The following ARHGAP26 variants were observed in gnomAD, a reference collection of about 807,000 sequenced individuals.
ARHGAP26 encodes rho GTPase-activating protein 26.
A neutral mutation model predicts 104.8 loss-of-function variants in ARHGAP26; 38 were observed. That is an observed-to-expected ratio of 0.36 (90% confidence interval 0.28 to 0.48). The LOEUF (loss-of-function observed/expected upper bound fraction) is 0.48. Among genes scored for constraint, ARHGAP26 ranks in the 20% least tolerant of loss-of-function variants. The probability of loss-of-function intolerance (pLI) is 0.99; values close to 1 mark genes in which losing one functional copy is unlikely to be tolerated. For synonymous variants in ARHGAP26, 341 were observed against 340.0 expected (o/e 1.00, Z -0.03); for missense variants, 704 against 947.9 (o/e 0.74, Z 3.38).
chr5:143,023,021 G>A (rs1780556694), intron 12 of ARHGAP26, among the ~76,000 whole-genome samples: 1 of 152,120 alleles, frequency 6.6e-6, no homozygotes, highest in Non-Finnish European at 1.5e-5. Flanking sequence ...GCCCTCAGTG[G>A]TTCCTCAAAC....
chr5:142,900,410 C>T (rs1169144604), intron 6 of ARHGAP26, among the ~76,000 whole-genome samples: 1 of 152,106 alleles, frequency 6.6e-6, no homozygotes, highest in Non-Finnish European at 1.5e-5. Flanking sequence ...CTCCCACCAC[C>T]CATGAGAATC....
At chr5:143,212,594 T>C (rs1486839510) in intron 21 of ARHGAP26, among the ~76,000 whole-genome samples, 2 of 152,138 alleles carry the variant, frequency 1.3e-5, no homozygotes, top group African/African-American at 4.8e-5. Flanking sequence ...TTTCCCCCAC[T>C]TTCCCAATGT....
intron 11 of ARHGAP26, among the ~76,000 whole-genome samples, chr5:142,935,424 A>T (rs1011250967): frequency 4.4e-4 from 67 of 152,350 alleles, no homozygotes; most frequent in African/African-American, 1.5e-3. Context: ...TGCTGTGGCT[A>T]AAAAGCTGCC....
chr5:142,883,091 A>G (rs1404390028), intron 4 of ARHGAP26, among the ~76,000 whole-genome samples: 3 of 152,204 alleles, frequency 2.0e-5, no homozygotes, highest in Non-Finnish European at 2.9e-5. Context: ...CTGTTTTCTC[A>G]GGACAGAAAC....
intron 20 of ARHGAP26, among the ~76,000 whole-genome samples, chr5:143,167,515 A>T (rs1013383245): frequency 3.7e-5 from 5 of 134,662 alleles, no homozygotes; most frequent in African/African-American, 1.4e-4. Flanking sequence ...AAAAAAAAAA[A>T]AAAGAAATCC....
intron 17 of ARHGAP26, among the ~76,000 whole-genome samples, chr5:143,062,523 T>G (rs1191052670): frequency 6.6e-6 from 1 of 150,436 alleles, no homozygotes; most frequent in Admixed American, 6.6e-5. Flanking sequence ...GCTTGGGTTT[T>G]TTTTTTTTTT....
chr5:142,934,765 AT>A (rs200889210), intron 11 of ARHGAP26, among the ~76,000 whole-genome samples: 2,729 of 133,168 alleles, frequency 0.02, 67 homozygotes, highest in African/African-American at 0.062. Context: ...GTGTTGGTGG[AT>A]TTTTTTTTTT....
At chr5:143,144,748 A>C (rs1798962681) in intron 19 of ARHGAP26, among the ~76,000 whole-genome samples, 1 of 152,156 alleles carries the variant, frequency 6.6e-6, no homozygotes, top group Admixed American at 6.5e-5. Flanking sequence ...AATGCTGTAA[A>C]ATTTGTCTTG....
intron 17 of ARHGAP26, among the ~76,000 whole-genome samples, chr5:143,063,746 C>T (rs921187377): frequency 6.6e-6 from 1 of 152,218 alleles, no homozygotes; most frequent in African/African-American, 2.4e-5. Flanking sequence ...CCAAAGGCTA[C>T]CTCATTCTTC....
intron 21 of ARHGAP26, among the ~76,000 whole-genome samples, chr5:143,211,194 A>C (rs1234449500): frequency 6.6e-6 from 1 of 152,230 alleles, no homozygotes; most frequent in East Asian, 1.9e-4. Flanking sequence ...TGCCAGATTT[A>C]GCAAATAAAA....
intron 14 of ARHGAP26, among the ~76,000 whole-genome samples, chr5:143,048,913 A>C (rs1282090995): frequency 6.9e-5 from 9 of 130,116 alleles, no homozygotes; most frequent in African/African-American, 2.6e-4. Context: ...ACTCCATCTC[A>C]AAAAAGAAAA....
chr5:143,123,814 C>T (rs1323047390), intron 18 of ARHGAP26, among the ~76,000 whole-genome samples: 1 of 152,184 alleles, frequency 6.6e-6, no homozygotes, highest in Non-Finnish European at 1.5e-5. Context: ...TATGATTGCA[C>T]CACTGCACTC....
chr5:143,204,439 G>A (rs1055348361), intron 20 of ARHGAP26, among the ~76,000 whole-genome samples: 1 of 152,166 alleles, frequency 6.6e-6, no homozygotes, highest in Non-Finnish European at 1.5e-5. Flanking sequence ...TAGGAGAATC[G>A]CTTGAACCCA....
intron 20 of ARHGAP26, among the ~76,000 whole-genome samples, chr5:143,151,401 T>C (rs1412372243): frequency 6.6e-6 from 1 of 152,166 alleles, no homozygotes; most frequent in Non-Finnish European, 1.5e-5. Context: ...AAGCATACAA[T>C]CCAGCAATCA....
At chr5:143,123,764 G>A (rs1796402388) in intron 18 of ARHGAP26, among the ~76,000 whole-genome samples, 1 of 152,226 alleles carries the variant, frequency 6.6e-6, no homozygotes, top group Admixed American at 6.5e-5. Context: ...GCTGAGGTGG[G>A]AGGATCACTT....
chr5:142,842,786 TA>T (rs1431881529), intron 1 of ARHGAP26, among the ~76,000 whole-genome samples: 1 of 152,212 alleles, frequency 6.6e-6, no homozygotes, highest in African/African-American at 2.4e-5. Flanking sequence ...TAGGAGGTAA[TA>T]TATGCAATAG....
At chr5:142,855,112 C>T (rs1209630656) in intron 1 of ARHGAP26, among the ~76,000 whole-genome samples, 5 of 151,884 alleles carry the variant, frequency 3.3e-5, no homozygotes, top group Admixed American at 6.6e-5. Flanking sequence ...AACCTGGCAG[C>T]GGTGTGTGGT....
chr5:142,894,365 G>A lies in ARHGAP26; in HGVS notation c.597+17G>A, dbSNP rs766736872. 3.7e-6 allele frequency: 6 copies of A among 1,602,228 alleles called. No homozygotes were observed. In the African/African-American group the frequency reaches 6.7e-5, roughly 18 times the overall value. ...GTGGAGCCTGTAAGTAGATATTCAG[G>A]GTTTAATGATGTACCCATATATTCA... On this transcript the variant is annotated intron_variant, in intron 6 of 22. Transcript: ENST00000645722.
chr5:143,109,161 G>A (rs10045315), intron 17 of ARHGAP26, among the ~76,000 whole-genome samples: 127,055 of 151,966 alleles, frequency 0.84, 54,354 homozygotes, highest in Non-Finnish European at 0.92. Flanking sequence ...CAGGTAACTC[G>A]CACCTAGAAG....
Sources: gnomAD v4.1 joint callset for allele counts (sites outside exome capture counted in the v4.1 genomes callset) on GRCh38, gnomAD v4.1.1 for gene constraint, MANE v1.5 for transcripts, NCBI Gene and HGNC (gene_info 2026-07-23, HGNC 2026-07-21) for gene names.